The following TRHDE variants were observed in gnomAD, a reference collection of about 807,000 sequenced individuals.
The protein encoded by TRHDE is thyrotropin releasing hormone degrading enzyme.
Under a neutral mutation model 125.7 loss-of-function variants are expected in TRHDE, and 72 were observed. The ratio of observed to expected loss-of-function variants is 0.57; its 90% confidence interval spans 0.47 to 0.70. TRHDE has a LOEUF of 0.70. TRHDE is among the 30% of genes least tolerant of loss of function. The pLI is 0.00. For missense variants in TRHDE, 1,110 were observed against 1,327.1 expected (o/e 0.84, Z 2.54); for synonymous variants, 509 against 509.1 (o/e 1.00, Z 0.00).
intron 2 of TRHDE, among the ~76,000 whole-genome samples, chr12:72,192,199 T>C (rs1427291958): frequency 6.6e-6 from 1 of 152,102 alleles, no homozygotes; most frequent in Admixed American, 6.6e-5. Flanking sequence ...ACCTATTATT[T>C]ATATTAGTGC....
intron 2 of TRHDE, among the ~76,000 whole-genome samples, chr12:72,226,955 C>T (rs1878140353): frequency 6.6e-6 from 1 of 152,172 alleles, no homozygotes; most frequent in Admixed American, 6.5e-5. Flanking sequence ...AGCAATTAAG[C>T]ACCTTTGGTT....
intron 2 of TRHDE, among the ~76,000 whole-genome samples, chr12:72,289,519 A>C (rs535788097): frequency 5.9e-5 from 9 of 152,316 alleles, no homozygotes; most frequent in African/African-American, 9.6e-5. Flanking sequence ...CAACATTTAG[A>C]AAGTAGAAGA....
chr12:72,109,290 A>G (rs1171885246), intron 2 of TRHDE, among the ~76,000 whole-genome samples: 1 of 152,002 alleles, frequency 6.6e-6, no homozygotes, highest in Non-Finnish European at 1.5e-5. Context: ...CCTCTCTCAT[A>G]CTATAAAAGA....
At chr12:72,433,518 T>C (rs745494385) in intron 3 of TRHDE, among the ~76,000 whole-genome samples, 3 of 151,912 alleles carry the variant, frequency 2.0e-5, no homozygotes, top group Non-Finnish European at 4.4e-5. Context: ...GCCTTTGCCC[T>C]ATGAGCAAGC....
At chr12:72,452,167 T>A (rs777061152) in intron 3 of TRHDE, among the ~76,000 whole-genome samples, 4 of 148,364 alleles carry the variant, frequency 2.7e-5, no homozygotes, top group African/African-American at 5.2e-5. Flanking sequence ...TATTCTGCCT[T>A]ATTGGTTATA....
rs1174360996 is a variant in TRHDE at position 72,667,927 on chromosome 12, T to C, written c.*4732T>C. 6.6e-6 allele frequency: 1 copy of C among 151,752 alleles called. No homozygotes were observed. The highest frequency in any genetic ancestry group is 2.4e-5 in the African/African-American group (1 of 41,434). The allele number at this position is 151,752 out of a possible 1,614,324, so 9.4% of individuals were successfully genotyped here. A position where few individuals can be genotyped will look rare whatever the true frequency, so the allele number is the denominator to read the frequency against. On this transcript the variant is annotated 3_prime_UTR_variant, in exon 19 of 19. Transcript: ENST00000261180. ...AAAAAGTAGTTCAAGTTTTCTAAAA[T>C]GGTTTCAGCATACTATCGGTATCTC... is the stretch of plus-strand genomic sequence containing the variant.
At chr12:72,470,159 C>T (rs1876573552) in intron 4 of TRHDE, among the ~76,000 whole-genome samples, 1 of 152,218 alleles carries the variant, frequency 6.6e-6, no homozygotes. Flanking sequence ...GGCACTGCCA[C>T]CCAGCAGCCT....
At chr12:72,504,776 G>A (rs1197507641) in intron 6 of TRHDE, among the ~76,000 whole-genome samples, 3 of 152,150 alleles carry the variant, frequency 2.0e-5, no homozygotes, top group African/African-American at 7.2e-5. Context: ...GTTGTATAAT[G>A]TATCACTTAT....
chr12:72,326,380 C>A (rs1205613529), intron 2 of TRHDE, among the ~76,000 whole-genome samples: 1 of 151,976 alleles, frequency 6.6e-6, no homozygotes, highest in African/African-American at 2.4e-5. Flanking sequence ...AGGGGAGCAT[C>A]ACACACTGGA....
intron 2 of TRHDE, among the ~76,000 whole-genome samples, chr12:72,183,875 G>C (rs920933144): frequency 6.6e-6 from 1 of 151,748 alleles, no homozygotes; most frequent in African/African-American, 2.4e-5. Context: ...TGGGATTTGG[G>C]CTGATAAAAT....
At chr12:72,655,739 C>T (rs1013799095) in intron 17 of TRHDE, among the ~76,000 whole-genome samples, 2 of 152,176 alleles carry the variant, frequency 1.3e-5, no homozygotes, top group African/African-American at 2.4e-5. Flanking sequence ...AAACAACTAA[C>T]ACTTCTTTAG....
chr12:72,595,331 A>G (rs1871890147), intron 12 of TRHDE, among the ~76,000 whole-genome samples: 1 of 151,306 alleles, frequency 6.6e-6, no homozygotes, highest in Admixed American at 6.7e-5. Context: ...TTGTACATGA[A>G]TTTTTTTATT....
intron 2 of TRHDE, among the ~76,000 whole-genome samples, chr12:72,360,503 C>T (rs992730631): frequency 4.0e-5 from 6 of 151,746 alleles, no homozygotes; most frequent in Non-Finnish European, 8.8e-5. Context: ...CTCAACCTCA[C>T]TATTATCAGA....
At chr12:72,130,849 A>C (rs79980196) in intron 2 of TRHDE, among the ~76,000 whole-genome samples, 1 of 152,074 alleles carries the variant, frequency 6.6e-6, no homozygotes, top group Non-Finnish European at 1.5e-5. Flanking sequence ...AAATGGAAAA[A>C]CTAGATATTA....
chr12:72,528,095 G>A (rs567999786), intron 6 of TRHDE, among the ~76,000 whole-genome samples: 2 of 152,188 alleles, frequency 1.3e-5, no homozygotes, highest in African/African-American at 4.8e-5. Flanking sequence ...GCTTCTTTAA[G>A]ATTATGCCAT....
chr12:72,440,988 G>T (rs952488463), intron 3 of TRHDE, among the ~76,000 whole-genome samples: 3 of 151,784 alleles, frequency 2.0e-5, no homozygotes, highest in Admixed American at 1.3e-4. Flanking sequence ...GCAATTTTTT[G>T]GAGTGAAGGA....
chr12:72,669,790 G>C lies in TRHDE; in HGVS notation c.*6595G>C, dbSNP rs904543958. 4 of 151,730 alleles carry C rather than the reference G, an allele frequency of 2.6e-5. No individual in the cohort carries two copies. Among genetic ancestry groups the C allele is most frequent in the African/African-American group, 9.7e-5 (4 of 41,358 alleles). 9.4% of individuals were successfully genotyped at this position (151,730 alleles called of 1,614,324 possible). On this transcript the variant is annotated 3_prime_UTR_variant, in exon 19 of 19. Transcript: ENST00000261180. ...CTACCTTTCAAAATATTGTGTAACA[G>C]CAATTCCACATTATCCTTTTGAATG...
At chr12:72,362,166 T>TACAGTCCCACCCTAGTTC (rs1871124846) in intron 2 of TRHDE, among the ~76,000 whole-genome samples, 1 of 137,296 alleles carries the variant, frequency 7.3e-6, no homozygotes, top group Non-Finnish European at 1.6e-5. Context: ...TGAACTAGTT[T>TACAGTCCCACCCTAGTTC]ACAGTCCCAC....
At chr12:72,604,804 A>G (rs1017509434) in intron 12 of TRHDE, among the ~76,000 whole-genome samples, 1 of 152,116 alleles carries the variant, frequency 6.6e-6, no homozygotes, top group African/African-American at 2.4e-5. Flanking sequence ...ATTTTCAGAC[A>G]GTAAGCATGA....
Sources: allele counts gnomAD v4.1 joint callset (sites outside exome capture counted in the v4.1 genomes callset), GRCh38; gene constraint gnomAD v4.1.1; transcripts MANE v1.5; gene names NCBI Gene and HGNC (gene_info 2026-07-23, HGNC 2026-07-21).